The following RASAL1 variants were observed in gnomAD, a reference collection of about 807,000 sequenced individuals.
RASAL1 encodes the protein rasGAP-activating-like protein 1.
Under a neutral mutation model 96.6 loss-of-function variants are expected in RASAL1, and 72 were observed. The ratio of observed to expected loss-of-function variants is 0.75; its 90% CI spans 0.62 to 0.91. The LOEUF is 0.91. RASAL1 is among the 40% of genes least tolerant of loss of function. The probability of loss-of-function intolerance (pLI) is 0.00; values close to 1 mark genes in which losing one functional copy is unlikely to be tolerated. For synonymous variants in RASAL1, 405 were observed against 430.4 expected (o/e 0.94, Z 0.73); for missense variants, 1,016 against 1,072.5 (o/e 0.95, Z 0.74).
chr12:113,099,782 A>G lies in RASAL1; in HGVS notation c.*147T>C. On this transcript the variant is annotated 3_prime_UTR_variant, in exon 21 of 21. Coordinates refer to ENST00000548055, the MANE Select transcript of RASAL1 (RefSeq NM_001301202.2). ...CTTCCATGCCCTGAGTTCTGGACTC[A>G]AGGCACACAGGACTAGGCACGTCTC... 1.1e-5 allele frequency: 13 copies of G among 1,190,336 alleles called. No homozygotes were observed. Among genetic ancestry groups the G allele is most frequent in the Non-Finnish European group, 1.4e-5 (12 of 856,952 alleles). 73.7% of individuals were successfully genotyped at this position (1,190,336 alleles called of 1,614,324 possible). A position where few individuals can be genotyped will look rare whatever the true frequency, so the allele number is the denominator to read the frequency against.
At chr12:113,102,258 A>G (rs1950475647) in intron 18 of RASAL1, among the ~76,000 whole-genome samples, 1 of 152,060 alleles carries the variant, frequency 6.6e-6, no homozygotes, top group African/African-American at 2.4e-5. Context: ...TCTACAAATA[A>G]TTTAAAAATT....
intron 1 of RASAL1, among the ~76,000 whole-genome samples, chr12:113,131,903 G>A (rs1951723222): frequency 6.6e-6 from 1 of 151,662 alleles, no homozygotes; most frequent in Admixed American, 6.6e-5. Flanking sequence ...GGCTGTCCCT[G>A]GCCACCACTG....
chr12:113,112,083 C>A lies in RASAL1; in HGVS notation c.1374+3G>T. On this transcript the variant is annotated splice_donor_region_variant and intron_variant, in intron 13 of 20. Coordinates refer to ENST00000548055, the MANE Select transcript of RASAL1 (RefSeq NM_001301202.2). Reference sequence around the variant, plus strand: ...CCAGCCTCAGCCTCCCATCCTGGCGCACCTGGTGCTCGGCCTGGGGGAAGC... The same window carrying A: ...CCAGCCTCAGCCTCCCATCCTGGCGAACCTGGTGCTCGGCCTGGGGGAAGC... 8.1e-7 allele frequency: 1 copy of A among 1,239,664 alleles called. No homozygotes were observed. Among genetic ancestry groups the A allele is most frequent in the Non-Finnish European group, 1.0e-6 (1 of 989,224 alleles). The allele number at this position is 1,239,664 out of a possible 1,614,324, so 76.8% of individuals were successfully genotyped here.
chr12:113,127,608 C>A (rs1951533161), intron 4 of RASAL1, among the ~76,000 whole-genome samples: 1 of 152,176 alleles, frequency 6.6e-6, no homozygotes, highest in African/African-American at 2.4e-5. Flanking sequence ...TATGATAGCA[C>A]CACCGCACTC....
intron 3 of RASAL1, 73 bp from the exon 4 acceptor site, chr12:113,127,946 G>A: frequency 4.4e-6 from 7 of 1,574,754 alleles, no homozygotes; most frequent in Non-Finnish European, 6.1e-6. Context: ...GTGGGGGCAG[G>A]TGTCAAGGTC....
At chr12:113,124,974 A>G (rs1243561861) in intron 4 of RASAL1, among the ~76,000 whole-genome samples, 1 of 152,228 alleles carries the variant, frequency 6.6e-6, no homozygotes, top group African/African-American at 2.4e-5. Flanking sequence ...GTTTAATGCA[A>G]TAAATGGCCA....
At chr12:113,125,749 T>A (rs997836478) in intron 4 of RASAL1, among the ~76,000 whole-genome samples, 1 of 152,256 alleles carries the variant, frequency 6.6e-6, no homozygotes, top group Non-Finnish European at 1.5e-5. Context: ...TCTAGTAATT[T>A]ATCTGACCGA....
At chr12:113,116,668 T>C (rs1951100210) in intron 8 of RASAL1, among the ~76,000 whole-genome samples, 3 of 152,170 alleles carry the variant, frequency 2.0e-5, no homozygotes, top group Non-Finnish European at 2.9e-5. Flanking sequence ...GTGTAGATGA[T>C]TGTTGACAGT....
chr12:113,104,130 C>A (rs745963308), intron 17 of RASAL1, 31 bp downstream of exon 17: 4 of 1,591,598 alleles, frequency 2.5e-6, no homozygotes, highest in South Asian at 1.1e-5. Flanking sequence ...CAGAGGGACG[C>A]CCCCCGCTCC....
intron 1 of RASAL1, among the ~76,000 whole-genome samples, chr12:113,133,938 G>C (rs940096258): frequency 3.9e-5 from 6 of 152,350 alleles, no homozygotes; most frequent in Non-Finnish European, 2.9e-5. Context: ...CCAGTGTCCA[G>C]GTGCAGGGGT....
chr12:113,120,324 C>A (rs1951246939), intron 5 of RASAL1, among the ~76,000 whole-genome samples: 8 of 152,136 alleles, frequency 5.3e-5, no homozygotes, highest in Admixed American at 5.2e-4. Flanking sequence ...AGGAAGGGGC[C>A]ATGGGCTCAA....
intron 13 of RASAL1, among the ~76,000 whole-genome samples, chr12:113,109,522 TC>T (rs1950787136): frequency 6.6e-6 from 1 of 152,138 alleles, no homozygotes; most frequent in African/African-American, 2.4e-5. Context: ...CAGAGGTGAC[TC>T]AGGGAAGGGT....
intron 12 of RASAL1, 122 bp downstream of exon 12, chr12:113,114,678 C>A: frequency 1.3e-6 from 1 of 773,998 alleles, no homozygotes; most frequent in Non-Finnish European, 2.2e-6. Context: ...GCTCAGCCAC[C>A]GAGCTCCTGA....
upstream of RASAL1, among the ~76,000 whole-genome samples, chr12:113,136,427 C>T (rs1951916664): frequency 6.6e-6 from 1 of 152,212 alleles, no homozygotes; most frequent in African/African-American, 2.4e-5. Flanking sequence ...TCATTTTTGT[C>T]TCCAGATGTG....
At chr12:113,106,489 C>T (rs1950650907) in intron 15 of RASAL1, among the ~76,000 whole-genome samples, 1 of 152,246 alleles carries the variant, frequency 6.6e-6, no homozygotes, top group African/African-American at 2.4e-5. Flanking sequence ...GCCTCTTTGC[C>T]TCCCCACTGC....
chr12:113,106,013 G>A, intron 15 of RASAL1, 127 bp from the exon 16 acceptor site: 1 of 1,013,362 alleles, frequency 9.9e-7, no homozygotes, highest in Non-Finnish European at 1.4e-6. Flanking sequence ...AGAGGCAGGA[G>A]GATGAGCGCG....
In RASAL1 at chr12:113,115,640, C is replaced by T. The variant is rs962013384; in HGVS notation, c.998G>A (p.Arg333Gln). The change falls in exon 10 of 21, where the codon CGG becomes CAG. Residue 333 changes from arginine (R) to glutamine (Q), a missense_variant. Coordinates refer to ENST00000548055, the MANE Select transcript of RASAL1 (RefSeq NM_001301202.2). This position sits in a 1 kb window ranked among gnomAD's most constrained non-coding sequence, Gnocchi z 4.1. ...LDYLTRREVA[R>Q]TMDPNTLFRS... ...GGGTTGTGCGGGCAACTCACTGGTC[C>T]GAGCCACCTCACGCCGGGTGAGATA... is the stretch of plus-strand genomic sequence containing the variant. The T allele has an allele frequency of 7.4e-6, 12 of 1,612,836 alleles. No homozygotes were observed. In the Middle Eastern group the frequency reaches 5.6e-4, roughly 75 times the overall value.
At chr12:113,106,380 A>T (rs2136119327) in intron 15 of RASAL1, among the ~76,000 whole-genome samples, 1 of 152,286 alleles carries the variant, frequency 6.6e-6, no homozygotes, top group Admixed American at 6.5e-5. Flanking sequence ...TCCTGCTACA[A>T]ATCATCCTGT....
intron 18 of RASAL1, among the ~76,000 whole-genome samples, chr12:113,103,363 T>C (rs1468838147): frequency 6.6e-6 from 1 of 152,056 alleles, no homozygotes; most frequent in Non-Finnish European, 1.5e-5. Context: ...CCCAACACTT[T>C]GGGAGGCCGA....
Sources: allele counts gnomAD v4.1 joint callset (sites outside exome capture counted in the v4.1 genomes callset), GRCh38; gene constraint gnomAD v4.1.1; non-coding constraint Gnocchi (gnomAD v3.1); transcripts MANE v1.5; gene names NCBI Gene and HGNC (gene_info 2026-07-23, HGNC 2026-07-21).